RGS6: variants seen among roughly 807,000 people sequenced by gnomAD.
RGS6 encodes the protein regulator of G protein signaling 6.
Under a neutral mutation model 78.5 loss-of-function variants are expected in RGS6, and 30 were observed. The ratio of observed to expected loss-of-function variants is 0.38; its 90% CI spans 0.29 to 0.52. RGS6 has a LOEUF of 0.52. RGS6 is among the 20% of genes least tolerant of loss of function. The pLI, the probability that RGS6 is intolerant of heterozygous loss-of-function variation, is 0.85. For synonymous variants in RGS6, 206 were observed against 206.0 expected, an observed-to-expected ratio of 1.00 and a Z score of 0.00; for missense variants, 495 against 609.7, an observed-to-expected ratio of 0.81 and a Z score of 1.98.
At chr14:71,935,469 G>C (rs1346041116) in intron 1 of RGS6, among the ~76,000 whole-genome samples, 6 of 152,092 alleles carry the variant, frequency 3.9e-5, no homozygotes. Flanking sequence ...TGTGTTAAAG[G>C]CTTGGGAATT....
intron 2 of RGS6, among the ~76,000 whole-genome samples, chr14:71,978,845 C>T (rs1382276896): frequency 1.1e-4 from 16 of 151,052 alleles, no homozygotes; most frequent in African/African-American, 3.4e-4. Flanking sequence ...ATGGTACCAG[C>T]TCCTCCTTGT....
At chr14:72,326,610 C>T (rs1367040028) in intron 2 of RGS6, among the ~76,000 whole-genome samples, 3 of 152,146 alleles carry the variant, frequency 2.0e-5, no homozygotes, top group Non-Finnish European at 2.9e-5. Flanking sequence ...CTGAGGCCTC[C>T]CCAGAAGCAG....
intron 3 of RGS6, among the ~76,000 whole-genome samples, chr14:72,450,695 G>A (rs939415074): frequency 2.0e-5 from 3 of 152,162 alleles, no homozygotes; most frequent in Admixed American, 6.5e-5. Context: ...TGGTAACAAG[G>A]CAACAATTAA....
At chr14:72,480,751 G>A (rs1343621157) in intron 12 of RGS6, among the ~76,000 whole-genome samples, 1 of 152,120 alleles carries the variant, frequency 6.6e-6, no homozygotes, top group Non-Finnish European at 1.5e-5. Flanking sequence ...GCTCTCTCAG[G>A]TGGGCACGCA....
chr14:72,094,425 ACTTTT>A (rs374665653), intron 2 of RGS6, among the ~76,000 whole-genome samples: 4 of 152,262 alleles, frequency 2.6e-5, no homozygotes, highest in African/African-American at 7.2e-5. Context: ...GGTGACCCCC[ACTTTT>A]CTTTTCAGAG....
At chr14:72,126,040 G>A (rs955381551) in intron 2 of RGS6, among the ~76,000 whole-genome samples, 1 of 152,166 alleles carries the variant, frequency 6.6e-6, no homozygotes, top group Non-Finnish European at 1.5e-5. Context: ...AGCAAGTGAG[G>A]CAGGTTAAGT....
At chr14:72,373,304 A>G (rs1399762410) in intron 3 of RGS6, among the ~76,000 whole-genome samples, 1 of 152,192 alleles carries the variant, frequency 6.6e-6, no homozygotes, top group Non-Finnish European at 1.5e-5. Context: ...ACTGGATATA[A>G]TACCTAGTGA....
At chr14:72,163,678 T>A (rs568610993) in intron 2 of RGS6, among the ~76,000 whole-genome samples, 1 of 152,194 alleles carries the variant, frequency 6.6e-6, no homozygotes, top group Admixed American at 6.5e-5. Context: ...AGGTCAGGCG[T>A]TCGAGACCAG....
chr14:71,888,449 A>G, the RGS6 span, among the ~76,000 whole-genome samples: 1 of 151,300 alleles, frequency 6.6e-6, no homozygotes, highest in East Asian at 1.9e-4. Flanking sequence ...AGAAGAAGAA[A>G]AAGAGAAGGG....
chr14:72,086,149 C>T (rs557678240), intron 2 of RGS6, among the ~76,000 whole-genome samples: 24 of 152,316 alleles, frequency 1.6e-4, no homozygotes, highest in Admixed American at 1.4e-3. Context: ...TCCAGTTAAG[C>T]TGTGTGCATC....
chr14:72,322,309 A>G (rs1595782999), intron 2 of RGS6, among the ~76,000 whole-genome samples: 1 of 152,054 alleles, frequency 6.6e-6, no homozygotes, highest in Non-Finnish European at 1.5e-5. Flanking sequence ...ATGGTTGCCA[A>G]TAAGTTATTT....
At chr14:72,254,752 A>C (rs116118499) in intron 2 of RGS6, among the ~76,000 whole-genome samples, 91 of 152,214 alleles carry the variant, frequency 6.0e-4, no homozygotes, top group African/African-American at 2.2e-3. Context: ...TGGAGCTACA[A>C]AACAAAAGGC....
chr14:72,464,280 C>T (rs188721762), intron 6 of RGS6, among the ~76,000 whole-genome samples: 11 of 152,306 alleles, frequency 7.2e-5, no homozygotes, highest in African/African-American at 2.2e-4. Flanking sequence ...ATAGAAGCAA[C>T]ACTCTCTCTC....
In RGS6 at chr14:72,352,175, A is replaced by G; in HGVS notation, c.165A>G (p.Lys55=). 2 of 1,613,258 alleles carry G rather than the reference A, an allele frequency of 1.2e-6. No homozygotes were observed. The highest frequency in any genetic ancestry group is 1.7e-6 in the Non-Finnish European group (2 of 1,179,600). Residue 55 remains lysine, a synonymous_variant, in exon 3 of 18, where the codon AAA becomes AAG. Transcript: ENST00000553525. ...GAACAGTCAAGAGCTTTCTCTCCAA[A>G]ATCCCCAGTGTCGTCACAGGTAACA... ...PIRTVKSFLS[K]IPSVVTGTDI... is the part of the protein sequence containing the mutation.
At chr14:72,437,477 T>G (rs1418595436) in intron 3 of RGS6, among the ~76,000 whole-genome samples, 1 of 152,212 alleles carries the variant, frequency 6.6e-6, no homozygotes, top group Non-Finnish European at 1.5e-5. Context: ...TGTATTCCCT[T>G]TATTAGTTTT....
At chr14:72,520,700 C>G (rs2097025424) in intron 15 of RGS6, among the ~76,000 whole-genome samples, 1 of 152,160 alleles carries the variant, frequency 6.6e-6, no homozygotes, top group Non-Finnish European at 1.5e-5. Flanking sequence ...GAGTGGTTTG[C>G]TATTATCTTC....
the RGS6 span, among the ~76,000 whole-genome samples, chr14:71,867,417 G>A: frequency 1.8e-3 from 247 of 139,654 alleles, 1 homozygote; most frequent in African/African-American, 6.6e-3. Context: ...ACTCCTTGCA[G>A]CCCCTCCTAG....
chr14:72,070,359 T>C (rs1407165789), intron 2 of RGS6, among the ~76,000 whole-genome samples: 1 of 152,236 alleles, frequency 6.6e-6, no homozygotes, highest in Non-Finnish European at 1.5e-5. Context: ...AATTTTTGGC[T>C]TCAGGGTTTT....
intron 2 of RGS6, among the ~76,000 whole-genome samples, chr14:72,052,379 C>T (rs1010374767): frequency 1.3e-5 from 2 of 152,096 alleles, no homozygotes; most frequent in African/African-American, 2.4e-5. Context: ...TACTCTCATC[C>T]CCCCTCCCAC....
Sources: allele counts gnomAD v4.1 joint callset (sites outside exome capture counted in the v4.1 genomes callset), GRCh38; gene constraint gnomAD v4.1.1; transcripts MANE v1.5; gene names NCBI Gene and HGNC (gene_info 2026-07-23, HGNC 2026-07-21).